SLC25A13: variants seen among roughly 807,000 people sequenced by gnomAD.
SLC25A13 encodes the protein solute carrier family 25 member 13, also known as electrogenic aspartate/glutamate antiporter SLC25A13, mitochondrial.
In SLC25A13, 70 loss-of-function variants were observed where a neutral mutation model predicts 85.5. That is an observed-to-expected ratio of 0.82 (90% CI 0.68 to 1.00). The LOEUF is 1.00. Among genes scored for constraint, SLC25A13 ranks in the 50% least tolerant of loss-of-function variants. The probability of loss-of-function intolerance (pLI) is 0.00; values close to 1 mark genes in which losing one functional copy is unlikely to be tolerated. For synonymous variants in SLC25A13, 259 were observed against 288.7 expected, an observed-to-expected ratio of 0.90 and a Z score of 1.04; for missense variants, 765 against 819.8, an observed-to-expected ratio of 0.93 and a Z score of 0.82.
At chr7:96,183,654 G>C (rs1195763115) in intron 11 of SLC25A13, among the ~76,000 whole-genome samples, 1 of 152,192 alleles carries the variant, frequency 6.6e-6, no homozygotes, top group Non-Finnish European at 1.5e-5. Context: ...CTTTCCATCA[G>C]TGATGACATA....
chr7:96,319,699 C>G (rs1355145924), intron 1 of SLC25A13, among the ~76,000 whole-genome samples: 2 of 152,112 alleles, frequency 1.3e-5, no homozygotes, highest in Non-Finnish European at 2.9e-5. Flanking sequence ...TTAGTCCTGG[C>G]TTTGTCTTAC....
At chr7:96,197,166 G>T (rs1795095617) in intron 5 of SLC25A13, among the ~76,000 whole-genome samples, 1 of 152,140 alleles carries the variant, frequency 6.6e-6, no homozygotes, top group Non-Finnish European at 1.5e-5. Flanking sequence ...CAAAGCTACT[G>T]TCAGGAATTT....
At chr7:96,299,507 C>T (rs1799476846) in intron 1 of SLC25A13, among the ~76,000 whole-genome samples, 1 of 152,162 alleles carries the variant, frequency 6.6e-6, no homozygotes, top group Non-Finnish European at 1.5e-5. Flanking sequence ...TCAATTATTT[C>T]CCCCAAAAAG....
intron 13 of SLC25A13, among the ~76,000 whole-genome samples, chr7:96,150,493 G>A (rs180819464): frequency 6.6e-6 from 1 of 152,124 alleles, no homozygotes; most frequent in Non-Finnish European, 1.5e-5. Flanking sequence ...GCTGAACTGT[G>A]TTCTACCAAA....
intron 13 of SLC25A13, among the ~76,000 whole-genome samples, chr7:96,159,922 A>G (rs928543255): frequency 4.6e-5 from 7 of 152,194 alleles, no homozygotes; most frequent in Non-Finnish European, 8.8e-5. Context: ...TTTCAGCTTC[A>G]TGGGGTTTTA....
chr7:96,175,240 G>A (rs909527796), intron 11 of SLC25A13, among the ~76,000 whole-genome samples: 1 of 152,192 alleles, frequency 6.6e-6, no homozygotes, highest in Non-Finnish European at 1.5e-5. Flanking sequence ...GCAGAATGGA[G>A]GGCAAGGTGA....
chr7:96,215,975 C>A (rs1795885437), intron 4 of SLC25A13, among the ~76,000 whole-genome samples: 1 of 151,562 alleles, frequency 6.6e-6, no homozygotes, highest in Admixed American at 6.6e-5. Context: ...GGCAACATGG[C>A]AAAACCCCAT....
intron 5 of SLC25A13, among the ~76,000 whole-genome samples, chr7:96,201,970 G>A (rs910779156): frequency 6.6e-5 from 10 of 152,106 alleles, no homozygotes; most frequent in African/African-American, 2.2e-4. Flanking sequence ...GGCAACTACC[G>A]TCACCCGGGA....
chr7:96,267,251 CA>C (rs1165456452), intron 3 of SLC25A13, among the ~76,000 whole-genome samples: 3 of 152,100 alleles, frequency 2.0e-5, no homozygotes, highest in African/African-American at 7.2e-5. Context: ...GACAGCCTCA[CA>C]AAATGAAAAC....
intron 4 of SLC25A13, among the ~76,000 whole-genome samples, chr7:96,214,449 C>A (rs1795810702): frequency 6.6e-6 from 1 of 152,188 alleles, no homozygotes; most frequent in African/African-American, 2.4e-5. Context: ...ACAACTCGGT[C>A]AGGCGCAGTG....
intron 14 of SLC25A13, among the ~76,000 whole-genome samples, chr7:96,140,753 G>GTTT (rs61262981): frequency 1.0e-4 from 13 of 125,216 alleles, no homozygotes; most frequent in African/African-American, 3.1e-4. Context: ...CTTATCTTTT[G>GTTT]TTTTTTTTTT....
chr7:96,295,724 C>A (rs1036702047), intron 2 of SLC25A13, among the ~76,000 whole-genome samples: 3 of 152,046 alleles, frequency 2.0e-5, no homozygotes, highest in Admixed American at 2.0e-4. Context: ...AGATTTAATA[C>A]CTTTCTACAC....
In SLC25A13 at chr7:96,232,298, G is replaced by A. The variant is rs188747473; in HGVS notation, c.328+2504C>T. ...CATGTCCTCTACAGGAACTTGGATG[G>A]AGCTGGAGGCCATTATCCTTAGCAA... On this transcript the variant is annotated intron_variant, in intron 4 of 17. Transcript: ENST00000265631. Among the ~76,000 whole-genome samples, 12 of 151,882 alleles carry A rather than the reference G, an allele frequency of 7.9e-5. No homozygotes were observed. In the East Asian group the frequency reaches 1.9e-3, roughly 25 times the overall value.
rs1440225100 is a variant in SLC25A13 at position 96,120,362 on chromosome 7, T to C, written c.*829A>G. 2.2e-6 allele frequency: 1 copy of C among 454,094 alleles called. No homozygotes were observed. The allele number at this position is 454,094 out of a possible 1,614,324, so 28.1% of individuals were successfully genotyped here. Reference sequence around the variant, plus strand: ...AAAGTGGATTTTAAAAGCAAGTGGGTACCAATGATGGGGAGATGAGGAGAA... The same window carrying C: ...AAAGTGGATTTTAAAAGCAAGTGGGCACCAATGATGGGGAGATGAGGAGAA... On this transcript the variant is annotated 3_prime_UTR_variant, in exon 18 of 18. Transcript: ENST00000265631.
intron 13 of SLC25A13, among the ~76,000 whole-genome samples, chr7:96,152,502 C>T (rs1205545154): frequency 1.3e-5 from 2 of 152,180 alleles, no homozygotes; most frequent in African/African-American, 4.8e-5. Flanking sequence ...GATTTGGCTG[C>T]TGAATATAGG....
At chr7:96,145,104 T>C (rs984301271) in intron 14 of SLC25A13, among the ~76,000 whole-genome samples, 49 of 152,168 alleles carry the variant, frequency 3.2e-4, no homozygotes, top group African/African-American at 1.2e-3. Flanking sequence ...CTATAGAACA[T>C]TGTGTTATAT....
chr7:96,272,513 A>G (rs2116925788), intron 3 of SLC25A13, among the ~76,000 whole-genome samples: 1 of 152,346 alleles, frequency 6.6e-6, no homozygotes, highest in Non-Finnish European at 1.5e-5. Context: ...AAAAGGAATC[A>G]GAGCTTCTTG....
At chr7:96,177,538 C>T (rs575854057) in intron 11 of SLC25A13, among the ~76,000 whole-genome samples, 1 of 152,254 alleles carries the variant, frequency 6.6e-6, no homozygotes, top group South Asian at 2.1e-4. Flanking sequence ...GACAAGTTAC[C>T]TAATCTCTTT....
Position 96,121,189 on chromosome 7 carries a change from TC to T in SLC25A13, c.*1del. ...GACAGCACTATCCCAGGGCTGATCT[TC>T]CTATGGGCCTCCACCAATAGCCTTT... On this transcript the variant is annotated 3_prime_UTR_variant, in exon 18 of 18. Coordinates refer to ENST00000265631, the MANE Select transcript of SLC25A13 (RefSeq NM_014251.3). The T allele has an allele frequency of 6.2e-7, 1 of 1,614,112 alleles. No individual in the cohort carries two copies. Among genetic ancestry groups the T allele is most frequent in the Non-Finnish European group, 8.5e-7 (1 of 1,179,980 alleles).
Sources: gnomAD v4.1 joint callset for allele counts (sites outside exome capture counted in the v4.1 genomes callset) on GRCh38, gnomAD v4.1.1 for gene constraint, MANE v1.5 for transcripts, NCBI Gene and HGNC (gene_info 2026-07-23, HGNC 2026-07-21) for gene names.